ANO2: variants seen among roughly 807,000 people sequenced by gnomAD.
ANO2 encodes anoctamin 2.
In ANO2, 101 loss-of-function variants were observed where a neutral mutation model predicts 124.2. That is an observed-to-expected ratio of 0.81 (90% CI 0.69 to 0.96). The LOEUF is 0.96. ANO2 is among the 40% of genes least tolerant of loss of function. The pLI is 0.00. For missense variants in ANO2, 1,293 were observed against 1,274.5 expected (o/e 1.01, Z -0.22); for synonymous variants, 486 against 482.5 (o/e 1.01, Z -0.09).
At chr12:5,673,547 CT>C (rs1191650110) in intron 14 of ANO2, among the ~76,000 whole-genome samples, 1 of 152,200 alleles carries the variant, frequency 6.6e-6, no homozygotes, top group African/African-American at 2.4e-5. Flanking sequence ...ATAAAATGGC[CT>C]AACTGTACTA....
At chr12:5,880,327 G>C (rs931688343) in intron 3 of ANO2, among the ~76,000 whole-genome samples, 1 of 152,144 alleles carries the variant, frequency 6.6e-6, no homozygotes, top group African/African-American at 2.4e-5. Flanking sequence ...GGTTAAAGAA[G>C]AGCATTTGAG....
chr12:5,605,755 C>A (rs1944188659), intron 19 of ANO2, among the ~76,000 whole-genome samples: 1 of 152,030 alleles, frequency 6.6e-6, no homozygotes, highest in South Asian at 2.1e-4. Context: ...AGGCAAGGTG[C>A]AGGGAGGGGA....
chr12:5,771,680 T>A (rs1591598346), intron 10 of ANO2, among the ~76,000 whole-genome samples: 1 of 152,128 alleles, frequency 6.6e-6, no homozygotes, highest in East Asian at 1.9e-4. Context: ...CTCGGGAGGC[T>A]GAGGCAGGAG....
At chr12:5,842,160 G>A (rs1421764336) in intron 4 of ANO2, among the ~76,000 whole-genome samples, 7 of 152,120 alleles carry the variant, frequency 4.6e-5, no homozygotes. Flanking sequence ...GATTACAGGT[G>A]TAAGCCACCA....
At chr12:5,874,969 A>G (rs1937991372) in intron 3 of ANO2, among the ~76,000 whole-genome samples, 6 of 152,108 alleles carry the variant, frequency 3.9e-5, no homozygotes, top group African/African-American at 1.2e-4. Flanking sequence ...GTAAAATTTT[A>G]TTTACAAAAG....
intron 10 of ANO2, among the ~76,000 whole-genome samples, chr12:5,755,932 T>G (rs1315909424): frequency 1.3e-5 from 2 of 152,166 alleles, no homozygotes; most frequent in African/African-American, 2.4e-5. Flanking sequence ...ATTATTCCCT[T>G]AATAAGCTTT....
At chr12:5,798,740 T>C (rs377245688) in intron 10 of ANO2, among the ~76,000 whole-genome samples, 15 of 152,194 alleles carry the variant, frequency 9.9e-5, no homozygotes, top group African/African-American at 3.6e-4. Flanking sequence ...AATTGGGGCT[T>C]GCCCAAAGAA....
At chr12:5,937,317 C>T (rs1423919195) in intron 1 of ANO2, among the ~76,000 whole-genome samples, 1 of 152,154 alleles carries the variant, frequency 6.6e-6, no homozygotes, top group Non-Finnish European at 1.5e-5. Flanking sequence ...CTGGTGACGT[C>T]GAGGACTTTT....
chr12:5,837,886 G>C (rs193061893), intron 4 of ANO2, among the ~76,000 whole-genome samples: 1 of 151,776 alleles, frequency 6.6e-6, no homozygotes. Flanking sequence ...AGGAAATAGA[G>C]ACACAAAAAA....
chr12:5,902,332 C>A (rs1287185535), intron 3 of ANO2, among the ~76,000 whole-genome samples: 1 of 151,864 alleles, frequency 6.6e-6, no homozygotes, highest in Non-Finnish European at 1.5e-5. Context: ...TGCCTTTAAT[C>A]CCAGCACTTT....
chr12:5,710,312 C>T (rs1170247637), intron 14 of ANO2, among the ~76,000 whole-genome samples: 2 of 152,194 alleles, frequency 1.3e-5, no homozygotes, highest in African/African-American at 4.8e-5. Context: ...ACTAAGGTCT[C>T]CCTCTTGTCA....
chr12:5,932,217 T>A (rs1480362104), intron 1 of ANO2, among the ~76,000 whole-genome samples: 3 of 148,084 alleles, frequency 2.0e-5, no homozygotes, highest in African/African-American at 5.0e-5. Flanking sequence ...AAGTGACTAA[T>A]AAGGAAAGAA....
chr12:5,590,210 G>A, intron 20 of ANO2, among the ~76,000 whole-genome samples: 1 of 151,882 alleles, frequency 6.6e-6, no homozygotes, highest in Non-Finnish European at 1.5e-5. Flanking sequence ...AAAACATTAT[G>A]AGATTTTTTT....
intron 3 of ANO2, 37 bp from the exon 4 acceptor site, chr12:5,854,178 G>A (rs773641370): frequency 5.7e-6 from 9 of 1,574,862 alleles, no homozygotes; most frequent in African/African-American, 1.4e-5. Flanking sequence ...GGAAACACTT[G>A]TAAGGACATA....
At chr12:5,754,030 A>T (rs1451518454) in intron 10 of ANO2, among the ~76,000 whole-genome samples, 1 of 152,156 alleles carries the variant, frequency 6.6e-6, no homozygotes, top group Admixed American at 6.5e-5. Context: ...AATGACTTCT[A>T]TTGTGTTGAT....
At chr12:5,640,276 G>C (rs1946270331) in intron 15 of ANO2, among the ~76,000 whole-genome samples, 1 of 152,152 alleles carries the variant, frequency 6.6e-6, no homozygotes, top group African/African-American at 2.4e-5. Flanking sequence ...GGTGAAGAAA[G>C]GAATGAGATG....
At chr12:5,794,116 G>A (rs1012800574) in intron 10 of ANO2, among the ~76,000 whole-genome samples, 2 of 152,194 alleles carry the variant, frequency 1.3e-5, no homozygotes, top group African/African-American at 4.8e-5. Context: ...CACCCTCAGA[G>A]GTAAAGGAAG....
At chr12:5,663,577 G>C (rs1947553115) in intron 14 of ANO2, among the ~76,000 whole-genome samples, 1 of 152,144 alleles carries the variant, frequency 6.6e-6, no homozygotes, top group Non-Finnish European at 1.5e-5. Context: ...TGGCAAGGAA[G>C]GGAACACCTG....
Position 5,645,303 on chromosome 12 carries a change from C to T in ANO2, c.1620+2424G>A, listed in dbSNP as rs1028522422. Among the ~76,000 whole-genome samples, 3 of 152,234 alleles carry T rather than the reference C, an allele frequency of 2.0e-5. No individual in the cohort carries two copies. The East Asian group carries it at 5.8e-4, about 29-fold the overall frequency. Reference sequence around the variant, plus strand: ...CTATCCATGGTTGAGGCAGGAGAATCGCTTGAACCCGGGGGGCGGAGGTTG... The same window carrying T: ...CTATCCATGGTTGAGGCAGGAGAATTGCTTGAACCCGGGGGGCGGAGGTTG... On this transcript the variant is annotated intron_variant, in intron 15 of 24. Coordinates refer to ENST00000682330, the MANE Select transcript of ANO2 (RefSeq NM_001364791.2).
Sources: allele counts gnomAD v4.1 joint callset (sites outside exome capture counted in the v4.1 genomes callset), GRCh38; gene constraint gnomAD v4.1.1; transcripts MANE v1.5; gene names NCBI Gene and HGNC (gene_info 2026-07-23, HGNC 2026-07-21).